Variants in GNL3L observed in about 807,000 individuals in gnomAD.
GNL3L encodes the protein guanine nucleotide-binding protein-like 3-like protein.
In GNL3L, 4 loss-of-function variants were observed where a neutral mutation model predicts 42.9. The ratio of observed to expected loss-of-function variants is 0.09; its 90% CI spans 0.05 to 0.21. The LOEUF is 0.21. Among genes scored for constraint, GNL3L ranks in the 10% least tolerant of loss-of-function variants. GNL3L has a pLI of 1.00. For synonymous variants in GNL3L, 159 were observed against 176.3 expected (o/e 0.90, Z 0.78); for missense variants, 412 against 481.7 (o/e 0.86, Z 1.36).
chrX:54,580,118 A>C (rs1176896840), intron 16 of GNL3L, among the ~76,000 whole-genome samples: 4 of 99,366 alleles, frequency 4.0e-5, no homozygotes, highest in Admixed American at 1.2e-4. Context: ...ATTTAACATT[A>C]GGTATATCTC....
chrX:54,573,476 G>C (rs7066022), intron 16 of GNL3L, among the ~76,000 whole-genome samples: 16,369 of 109,673 alleles, frequency 0.15, 1,988 homozygotes, highest in African/African-American at 0.41. Flanking sequence ...AGCTTCGGCT[G>C]GGCATGAGAG....
chrX:54,567,039 C>T lies in GNL3L; in HGVS notation c.*6437C>T, dbSNP rs1011598672. ...CAAAGGTTTTCTCCCATGTTTCCTC[C>T]TAAAAGTTTTATAGTTTTAGGTTTT... On this transcript the variant is annotated 3_prime_UTR_variant, in exon 16 of 16. Transcript: ENST00000360845. Among the ~76,000 whole-genome samples, 4 of 111,992 alleles carry T rather than the reference C, an allele frequency of 3.6e-5. No homozygotes were observed. The Admixed American group carries it at 3.8e-4, about 11-fold the overall frequency.
chrX:54,632,911 C>T, the GNL3L span, among the ~76,000 whole-genome samples: 2 of 111,640 alleles, frequency 1.8e-5, no homozygotes, highest in Non-Finnish European at 3.8e-5. Context: ...GAGGGAAGAT[C>T]GGTGACTCAA....
chrX:54,545,648 G>A (rs1420125735), intron 8 of GNL3L, among the ~76,000 whole-genome samples: 1 of 111,517 alleles, frequency 9.0e-6, no homozygotes, highest in Non-Finnish European at 1.9e-5. Flanking sequence ...TTGTTTCTGG[G>A]AGAAAAATTG....
chrX:54,624,819 T>TTCTAATCTGTGTTCTAATCTA (rs1250551859), downstream of GNL3L, among the ~76,000 whole-genome samples: 4 of 93,947 alleles, frequency 4.3e-5, no homozygotes, highest in Non-Finnish European at 7.6e-5. Flanking sequence ...CTTTTCTGTG[T>TTCTAATCTGTGTTCTAATCTA]ATATCTGTGT....
downstream of GNL3L, among the ~76,000 whole-genome samples, chrX:54,570,186 T>G (rs1351521135): frequency 1.8e-5 from 2 of 111,955 alleles, no homozygotes; most frequent in Non-Finnish European, 3.8e-5. Flanking sequence ...GATTTGTCTG[T>G]TATTTTTTGT....
chrX:54,570,867 T>C (rs1037192492), downstream of GNL3L, among the ~76,000 whole-genome samples: 2 of 111,796 alleles, frequency 1.8e-5, no homozygotes, highest in African/African-American at 6.5e-5. Flanking sequence ...AGTCCTCTTT[T>C]AAAGAGATTT....
intron 16 of GNL3L, among the ~76,000 whole-genome samples, chrX:54,583,028 T>C (rs1485895415): frequency 1.8e-5 from 2 of 111,769 alleles, no homozygotes; most frequent in Non-Finnish European, 3.8e-5. Flanking sequence ...TACTCTGGAG[T>C]CTTGAGAGAG....
At chrX:54,551,539 C>T (rs752951916) in intron 10 of GNL3L, 29 bp from the exon 11 acceptor site, 1 of 1,188,996 alleles carries the variant, frequency 8.4e-7, no homozygotes, top group Non-Finnish European at 1.1e-6. Context: ...ATGCCAGGTA[C>T]ATCTGGGCTT....
the GNL3L span, among the ~76,000 whole-genome samples, chrX:54,627,572 C>G: frequency 9.0e-6 from 1 of 110,697 alleles, no homozygotes; most frequent in Non-Finnish European, 1.9e-5. Flanking sequence ...TCTGTTTTTA[C>G]TTTTCTAGTT....
At position 54,562,367 on chromosome X, in the gene GNL3L, A is replaced by G. The variant is rs56393649; in HGVS notation, c.*1765A>G. 0.13 allele frequency among the ~76,000 whole-genome samples: 14,594 copies of G among 111,089 alleles called. 1,431 individuals are homozygous for G. Among genetic ancestry groups the G allele is most frequent in the African/African-American group, 0.34 (10,336 of 30,430 alleles). On this transcript the variant is annotated 3_prime_UTR_variant, in exon 16 of 16. Coordinates refer to ENST00000360845, the MANE Select transcript of GNL3L (RefSeq NM_001184819.2). ...AGCCTCACAGCTGCATCTTAACCTTACCTTTGCCTCTGCCTCTCAAGCTGG... is the reference window on the plus strand; with the variant it reads ...AGCCTCACAGCTGCATCTTAACCTTGCCTTTGCCTCTGCCTCTCAAGCTGG...
At chrX:54,557,411 A>G (rs1449843587) in intron 14 of GNL3L, among the ~76,000 whole-genome samples, 1 of 107,811 alleles carries the variant, frequency 9.3e-6, no homozygotes, top group African/African-American at 3.4e-5. Flanking sequence ...TACAGATGCA[A>G]GCCACCATGC....
chrX:54,633,928 A>C, the GNL3L span, among the ~76,000 whole-genome samples: 3 of 112,934 alleles, frequency 2.7e-5, no homozygotes, highest in Non-Finnish European at 5.6e-5. Flanking sequence ...CAGTTTCAGC[A>C]TTTAAAGTAT....
intron 2 of GNL3L, among the ~76,000 whole-genome samples, chrX:54,533,126 A>ACTTG (rs751619705): frequency 1.6e-4 from 18 of 111,536 alleles, no homozygotes; most frequent in African/African-American, 5.9e-4. Flanking sequence ...AGGTTAAGTG[A>ACTTG]CTTGATCTGA....
chrX:54,609,975 C>G (rs751482149), intron 16 of GNL3L, among the ~76,000 whole-genome samples: 4 of 111,931 alleles, frequency 3.6e-5, no homozygotes, highest in African/African-American at 1.3e-4. Context: ...TCTACACATC[C>G]ATGAGCATGG....
chrX:54,623,199 C>T (rs973495731), downstream of GNL3L, among the ~76,000 whole-genome samples: 1 of 111,966 alleles, frequency 8.9e-6, no homozygotes, highest in African/African-American at 3.2e-5. Flanking sequence ...CTATTAAGGG[C>T]CCCTTGCAAT....
In GNL3L at chrX:54,607,082, C is replaced by CTTCTTTCTTTCTTTCT. The variant is rs751343853; in HGVS notation, c.*46-13720_*46-13705dup. On this transcript the variant is annotated intron_variant, in intron 16 of 16. Transcript: ENST00000674498. ...TTTCTTTCTTTCTTTCTCTTTCTTT[C>CTTCTTTCTTTCTTTCT]TTCTTTCTTTCTTTCTTTCTTTCTT... 5.7e-3 allele frequency among the ~76,000 whole-genome samples: 125 copies of CTTCTTTCTTTCTTTCT among 21,951 alleles called. 4 individuals carry two copies. The highest frequency in any genetic ancestry group is 0.018 in the South Asian group (6 of 334). The allele number at this position is 21,951 out of a possible 115,157, so 19.1% of individuals were successfully genotyped here. A position where few individuals can be genotyped will look rare whatever the true frequency, so the allele number is the denominator to read the frequency against.
intron 16 of GNL3L, among the ~76,000 whole-genome samples, chrX:54,597,319 G>A (rs1408195890): frequency 1.8e-5 from 2 of 111,385 alleles, no homozygotes; most frequent in Non-Finnish European, 3.8e-5. Context: ...GGCCCAGGGT[G>A]TGTCTAGAAT....
At chrX:54,572,853 C>T (rs1770239355) in intron 16 of GNL3L, among the ~76,000 whole-genome samples, 2 of 106,342 alleles carry the variant, frequency 1.9e-5, no homozygotes, top group South Asian at 8.2e-4. Context: ...AGAGACGCTC[C>T]TCACCTCCCA....
Sources: gnomAD v4.1 joint callset for allele counts (sites outside exome capture counted in the v4.1 genomes callset) on GRCh38, gnomAD v4.1.1 for gene constraint, MANE v1.5 for transcripts, NCBI Gene and HGNC (gene_info 2026-07-23, HGNC 2026-07-21) for gene names.